Variants in MCF2L2 observed in about 807,000 individuals in gnomAD.
The protein encoded by MCF2L2 is MCF.2 cell line derived transforming sequence-like 2, also known as probable guanine nucleotide exchange factor MCF2L2.
A neutral mutation model predicts 150.2 loss-of-function variants in MCF2L2; 102 were observed. The observed-to-expected ratio is 0.68, with a 90% CI of 0.58 to 0.80. The LOEUF is 0.80. MCF2L2 is among the 30% of genes least tolerant of loss of function. The pLI is 0.00. For missense variants in MCF2L2, 1,256 were observed against 1,372.8 expected (o/e 0.91, Z 1.34); for synonymous variants, 465 against 491.3 (o/e 0.95, Z 0.71).
At chr3:183,334,718 G>C (rs562658701) in intron 5 of MCF2L2, among the ~76,000 whole-genome samples, 1 of 151,208 alleles carries the variant, frequency 6.6e-6, no homozygotes, top group South Asian at 2.1e-4. Flanking sequence ...GCTTGAACCT[G>C]GGAGGCAGAT....
chr3:183,316,347 G>A (rs1045285067), intron 7 of MCF2L2, among the ~76,000 whole-genome samples: 1 of 150,336 alleles, frequency 6.7e-6, no homozygotes, highest in Non-Finnish European at 1.5e-5. Context: ...GTTTTGTTTT[G>A]TTTTGTTTTG....
At chr3:183,306,926 C>T (rs1365208559) in intron 10 of MCF2L2, among the ~76,000 whole-genome samples, 3 of 152,200 alleles carry the variant, frequency 2.0e-5, no homozygotes, top group Non-Finnish European at 4.4e-5. Context: ...GGTCTCAGTA[C>T]GGCCCACAGT....
At chr3:183,234,221 G>A (rs1723699993) in intron 15 of MCF2L2, among the ~76,000 whole-genome samples, 1 of 152,098 alleles carries the variant, frequency 6.6e-6, no homozygotes, top group Non-Finnish European at 1.5e-5. Flanking sequence ...ATGCCTTCAT[G>A]AAGCACTGGG....
At chr3:183,243,410 C>T (rs1724117914) in intron 15 of MCF2L2, among the ~76,000 whole-genome samples, 1 of 152,196 alleles carries the variant, frequency 6.6e-6, no homozygotes. Context: ...TGTGCATGCA[C>T]CTTTCATTGC....
chr3:183,350,449 C>G (rs1731067213), intron 3 of MCF2L2, among the ~76,000 whole-genome samples: 1 of 152,106 alleles, frequency 6.6e-6, no homozygotes, highest in Non-Finnish European at 1.5e-5. Flanking sequence ...AACACCAAAG[C>G]CCTATGATGT....
chr3:183,193,498 G>A lies in MCF2L2; in HGVS notation c.2919-402C>T, dbSNP rs575862513. ...CCCAAGTAGCTGGGACTACATGCGTGTGCCACCACACCCAGCTAATTTTTG... is the reference window on the plus strand; with the variant it reads ...CCCAAGTAGCTGGGACTACATGCGTATGCCACCACACCCAGCTAATTTTTG... On this transcript the variant is annotated intron_variant, in intron 26 of 29. Coordinates refer to ENST00000328913, the MANE Select transcript of MCF2L2 (RefSeq NM_015078.4). 1.7e-3 allele frequency among the ~76,000 whole-genome samples: 256 copies of A among 151,988 alleles called. 1 individual carries two copies. The highest frequency in any genetic ancestry group is 4.6e-3 in the African/African-American group (192 of 41,458).
intron 2 of MCF2L2, among the ~76,000 whole-genome samples, chr3:183,385,834 T>C (rs1161343951): frequency 6.6e-6 from 1 of 152,186 alleles, no homozygotes; most frequent in Non-Finnish European, 1.5e-5. Flanking sequence ...AATTCTGGAA[T>C]GAGACATAAG....
chr3:183,285,572 TACA>T (rs1727742381), intron 14 of MCF2L2, among the ~76,000 whole-genome samples: 1 of 152,188 alleles, frequency 6.6e-6, no homozygotes, highest in African/African-American at 2.4e-5. Context: ...CAGCACCCAG[TACA>T]ATGTCTGGCC....
rs61024469 is a variant in MCF2L2, at chr3:183,387,931, C to CAAA, written c.160+1762_160+1764dup. 9.2e-3 allele frequency among the ~76,000 whole-genome samples: 657 copies of CAAA among 71,618 alleles called. 5 individuals are homozygous for CAAA. Among genetic ancestry groups the CAAA allele is most frequent in the African/African-American group, 0.024 (368 of 15,374 alleles). The allele number at this position is 71,618 out of a possible 152,430, so 47.0% of individuals were successfully genotyped here. A position where few individuals can be genotyped will look rare whatever the true frequency, so the allele number is the denominator to read the frequency against. ...TGGATGACAGAGCAAGACTCCATCTCAAAAAAAAAAAAAAAAAAAAAAAGA... is the reference window on the plus strand; with the variant it reads ...TGGATGACAGAGCAAGACTCCATCTCAAAAAAAAAAAAAAAAAAAAAAAAAAGA... On this transcript the variant is annotated intron_variant, in intron 2 of 29. Transcript: ENST00000328913.
chr3:183,310,515 C>T (rs57067370), intron 9 of MCF2L2: 62,826 of 262,658 alleles, frequency 0.24, 8,782 homozygotes, highest in African/African-American at 0.39. Flanking sequence ...AAAAAAATTA[C>T]CGGGTGTGAT....
intron 3 of MCF2L2, among the ~76,000 whole-genome samples, chr3:183,356,407 G>A (rs1035060498): frequency 6.6e-6 from 1 of 152,126 alleles, no homozygotes; most frequent in African/African-American, 2.4e-5. Flanking sequence ...CAGCTACTCA[G>A]GAGGTTGAAG....
chr3:183,267,142 C>T lies in MCF2L2; in HGVS notation c.1862+9730G>A, dbSNP rs1381709819. Among the ~76,000 whole-genome samples the T allele has an allele frequency of 6.6e-6, 1 of 152,152 alleles. No homozygotes were observed. Among genetic ancestry groups the T allele is most frequent in the East Asian group, 1.9e-4 (1 of 5,196 alleles). ...ACATTTCCCATTACACCCCTGAACA[C>T]ACACACACAGAAAACCCAAAAGTTT... is the stretch of plus-strand genomic sequence containing the variant. On this transcript the variant is annotated intron_variant, in intron 15 of 29. Transcript: ENST00000328913. This position sits in a 1 kb window ranked among gnomAD's most constrained non-coding sequence, Gnocchi z 5.5.
chr3:183,190,909 G>A (rs1168070131), intron 27 of MCF2L2, among the ~76,000 whole-genome samples: 2 of 152,082 alleles, frequency 1.3e-5, no homozygotes. Context: ...TTTTGAGAAG[G>A]AGTTTCGCCC....
chr3:183,311,589 A>G, intron 8 of MCF2L2, 59 bp downstream of exon 8: 4 of 1,600,416 alleles, frequency 2.5e-6, no homozygotes, highest in South Asian at 1.1e-5. Flanking sequence ...TGGTTGCTCC[A>G]GAACATCTAG....
At chr3:183,242,266 A>G (rs1283802175) in intron 15 of MCF2L2, among the ~76,000 whole-genome samples, 1 of 152,264 alleles carries the variant, frequency 6.6e-6, no homozygotes, top group African/African-American at 2.4e-5. Flanking sequence ...AGCCTGCTGC[A>G]GACATTTGCA....
intron 14 of MCF2L2, among the ~76,000 whole-genome samples, chr3:183,281,671 A>G (rs1445227842): frequency 6.6e-6 from 1 of 152,022 alleles, no homozygotes; most frequent in East Asian, 1.9e-4. Flanking sequence ...CTCTACCTTT[A>G]GTCCAGATCA....
Position 183,230,972 on chromosome 3 carries a change from T to C in MCF2L2, c.1908A>G (p.Lys636=), listed in dbSNP as rs770379765. 10 of 1,613,616 alleles carry C rather than the reference T, an allele frequency of 6.2e-6. No homozygotes were observed. Among genetic ancestry groups the C allele is most frequent in the Non-Finnish European group, 8.5e-6 (10 of 1,179,704 alleles). Reference sequence around the variant, plus strand: ...TTACATCAATTATGCTTTTAATCTCTTTTATGTAAATCTCTTCAGTCTCAA... The same window carrying C: ...TTACATCAATTATGCTTTTAATCTCCTTTATGTAAATCTCTTCAGTCTCAA... ...DLLETEEIYI[K]EIKSIIDGYI... is the part of the protein sequence containing the mutation. Residue 636 remains lysine (K), a synonymous_variant, in exon 16 of 30, where the codon AAA becomes AAG. Transcript: ENST00000328913.
At chr3:183,271,968 C>G (rs1284917939) in intron 15 of MCF2L2, 1 of 229,406 alleles carries the variant, frequency 4.4e-6, no homozygotes, top group East Asian at 1.8e-4. Flanking sequence ...AACCACAGCA[C>G]TTTGTTCCAA....
Position 183,215,994 on chromosome 3 carries a change from TC to T in MCF2L2, c.2470del (p.Asp824ThrfsTer2). On this transcript the variant is annotated frameshift_variant, in exon 22 of 30. Transcript: ENST00000328913. LOFTEE classifies it high-confidence loss of function. ...CGGACATTCAGTCACTGCTGCTAGGTCCACAGCCAACTCACAGGACTTGATC... is the reference window on the plus strand; with the variant it reads ...CGGACATTCAGTCACTGCTGCTAGGTCACAGCCAACTCACAGGACTTGATC... ...DLIKSCELAVDLAAVTECPDD... is the reference protein window; with the variant it reads ...DLIKSCELAVXLAAVTECPDD... 6.2e-7 allele frequency: 1 copy of T among 1,613,930 alleles called. No homozygotes were observed. Among genetic ancestry groups the T allele is most frequent in the Non-Finnish European group, 8.5e-7 (1 of 1,179,902 alleles).
Sources: gnomAD v4.1 joint callset for allele counts (sites outside exome capture counted in the v4.1 genomes callset) on GRCh38, gnomAD v4.1.1 for gene constraint, Gnocchi (gnomAD v3.1) non-coding constraint, MANE v1.5 for transcripts, NCBI Gene and HGNC (gene_info 2026-07-23, HGNC 2026-07-21) for gene names.